The following SCAF11 variants were observed in gnomAD, a reference collection of about 807,000 sequenced individuals.
SCAF11 encodes the protein SR-related CTD associated factor 11.
SCAF11 carries 47 observed loss-of-function variants against 140.5 expected under a neutral mutation model. That is an observed-to-expected ratio of 0.33 (90% CI 0.26 to 0.43). The LOEUF is 0.43. Ranked by LOEUF, SCAF11 falls within the 20% of genes least tolerant of loss-of-function variation. The pLI is 1.00. For missense variants in SCAF11, 1,645 were observed against 1,705.1 expected, an observed-to-expected ratio of 0.96 and a Z score of 0.62; for synonymous variants, 557 against 579.4, an observed-to-expected ratio of 0.96 and a Z score of 0.55.
chr12:45,981,325 C>G (rs895906875), intron 1 of SCAF11, among the ~76,000 whole-genome samples: 1 of 152,178 alleles, frequency 6.6e-6, no homozygotes, highest in South Asian at 2.1e-4. Context: ...GAACTCATCC[C>G]TAAAACAAAC....
chr12:45,969,742 G>C (rs139559188), intron 1 of SCAF11, among the ~76,000 whole-genome samples: 1 of 152,316 alleles, frequency 6.6e-6, no homozygotes, highest in East Asian at 1.9e-4. Flanking sequence ...GTGAGTGTGT[G>C]TGTTTGTTTT....
chr12:45,958,143 G>T (rs1226871064), intron 3 of SCAF11, among the ~76,000 whole-genome samples: 1 of 151,786 alleles, frequency 6.6e-6, no homozygotes, highest in African/African-American at 2.4e-5. Flanking sequence ...GGGCTCGAGT[G>T]ATCCACCCTC....
chr12:45,926,163 CTT>C lies in SCAF11; in HGVS notation c.3536_3537del (p.Gln1179ArgfsTer10). On this transcript the variant is annotated frameshift_variant, in exon 11 of 15. Transcript: ENST00000369367. LOFTEE classifies it high-confidence loss of function. Reference protein sequence around the residue: ...SSGPQSGWMKQEEETSGQDSS... With the variant: ...SSGPQSGWMKXEEETSGQDSS... Reference sequence around the variant, plus strand: ...TTACCCTGTCCAGATGTTTCCTCCTCTTGTTTCATCCATCCAGACTGTGGACC... The same window carrying C: ...TTACCCTGTCCAGATGTTTCCTCCTCGTTTCATCCATCCAGACTGTGGACC... 6.2e-7 allele frequency: 1 copy of C among 1,609,914 alleles called. No individual in the cohort carries two copies. Among genetic ancestry groups the C allele is most frequent in the Non-Finnish European group, 8.5e-7 (1 of 1,176,286 alleles).
chr12:45,925,148 G>A (rs1592163067), intron 11 of SCAF11, 74 bp from the exon 12 acceptor site: 1 of 1,178,478 alleles, frequency 8.5e-7, no homozygotes, highest in South Asian at 1.6e-5. Context: ...AAGAACCACT[G>A]GTTACAGTAA....
intron 1 of SCAF11, among the ~76,000 whole-genome samples, chr12:45,966,588 T>C (rs2136626071): frequency 6.6e-6 from 1 of 152,174 alleles, no homozygotes; most frequent in South Asian, 2.1e-4. Context: ...GAGGGAAAGC[T>C]TCTGTGATAA....
rs1398417093 is a variant in SCAF11, at chr12:45,921,146, C to G, written c.*902G>C. 1 of 152,212 alleles carries G rather than the reference C, an allele frequency of 6.6e-6. No homozygotes were observed. The highest frequency in any genetic ancestry group is 2.4e-5 in the African/African-American group (1 of 41,418). 9.4% of individuals were successfully genotyped at this position (152,212 alleles called of 1,614,324 possible). On this transcript the variant is annotated 3_prime_UTR_variant, in exon 15 of 15. Transcript: ENST00000369367. ...TACAGGCGCCCACCACCACGCCTGGCTAATTTTTGTATTTTTAGTAGAGAC... is the reference window on the plus strand; with the variant it reads ...TACAGGCGCCCACCACCACGCCTGGGTAATTTTTGTATTTTTAGTAGAGAC...
Position 45,926,483 on chromosome 12 carries a change from C to T in SCAF11, c.3218G>A (p.Arg1073Lys). 6.2e-7 allele frequency: 1 copy of T among 1,614,224 alleles called. No individual in the cohort carries two copies. Among genetic ancestry groups the T allele is most frequent in the Non-Finnish European group, 8.5e-7 (1 of 1,180,038 alleles). ...FGSGWVSNRGRGRGNRGRGTY... is the reference protein window; with the variant it reads ...FGSGWVSNRGKGRGNRGRGTY... Reference sequence around the variant, plus strand: ...GCCTCTGCCACGGTTGCCTCTGCCTCTACCACGGTTAGATACCCAACCAGA... The same window carrying T: ...GCCTCTGCCACGGTTGCCTCTGCCTTTACCACGGTTAGATACCCAACCAGA... Residue 1073 changes from arginine (R) to lysine (K), a missense_variant, in exon 11 of 15, where the codon AGA becomes AAA. Coordinates refer to ENST00000369367, the MANE Select transcript of SCAF11 (RefSeq NM_004719.3).
intron 3 of SCAF11, chr12:45,955,870 A>G: frequency 2.7e-6 from 1 of 368,360 alleles, no homozygotes; most frequent in Non-Finnish European, 4.9e-6. Flanking sequence ...ATACAGCTAC[A>G]AAATTAATGG....
chr12:45,935,908 C>T (rs931433024), intron 6 of SCAF11, among the ~76,000 whole-genome samples: 7 of 151,970 alleles, frequency 4.6e-5, no homozygotes, highest in Non-Finnish European at 1.0e-4. Context: ...CAAATCCACC[C>T]TACTTGTCTG....
intron 1 of SCAF11, among the ~76,000 whole-genome samples, chr12:45,985,795 A>T (rs1019595033): frequency 6.6e-6 from 1 of 152,228 alleles, no homozygotes; most frequent in Admixed American, 6.5e-5. Context: ...TTAGAGAAGC[A>T]TCAATCTGAA....
chr12:45,964,964 G>T (rs538185956), intron 1 of SCAF11, among the ~76,000 whole-genome samples: 167 of 152,062 alleles, frequency 1.1e-3, no homozygotes, highest in Middle Eastern at 3.4e-3. Context: ...GGAGACAGTT[G>T]TGTGTGTGTA....
chr12:45,980,984 GT>G lies in SCAF11; in HGVS notation c.-22+9368del, dbSNP rs376431629. Among the ~76,000 whole-genome samples the G allele has an allele frequency of 4.1e-4, 62 of 152,274 alleles. 1 individual carries two copies. The highest frequency in any genetic ancestry group is 1.3e-3 in the African/African-American group (53 of 41,572). On this transcript the variant is annotated intron_variant, in intron 1 of 14. Transcript: ENST00000369367. Reference sequence around the variant, plus strand: ...TATATCACATCATTTAGAATAGTTTGTTTTAGGGAAACAGGGCAGGTGATTT... The same window carrying G: ...TATATCACATCATTTAGAATAGTTTGTTTAGGGAAACAGGGCAGGTGATTT...
intron 6 of SCAF11, among the ~76,000 whole-genome samples, chr12:45,941,000 C>T (rs1302462913): frequency 1.3e-5 from 2 of 151,988 alleles, no homozygotes; most frequent in South Asian, 2.1e-4. Context: ...AGGTGGGTTT[C>T]GCCACGTTGC....
chr12:45,990,121 C>T (rs1565699842), intron 1 of SCAF11, among the ~76,000 whole-genome samples: 1 of 152,050 alleles, frequency 6.6e-6, no homozygotes, highest in African/African-American at 2.4e-5. Flanking sequence ...GCCTCCCTCG[C>T]GGGGCAGCGA....
At chr12:45,956,193 CTT>C in intron 3 of SCAF11, 1 of 716,002 alleles carries the variant, frequency 1.4e-6, no homozygotes, top group Non-Finnish European at 2.6e-6. Context: ...GATAGCTCCT[CTT>C]AGAGAGAGAG....
At chr12:45,980,708 C>CA (rs1215205641) in intron 1 of SCAF11, among the ~76,000 whole-genome samples, 1 of 152,050 alleles carries the variant, frequency 6.6e-6, no homozygotes, top group East Asian at 1.9e-4. Flanking sequence ...TATCTGAGTC[C>CA]AGTGGTAATA....
intron 1 of SCAF11, among the ~76,000 whole-genome samples, chr12:45,980,319 T>TA (rs1270140021): frequency 1.3e-5 from 2 of 152,196 alleles, no homozygotes; most frequent in African/African-American, 4.8e-5. Flanking sequence ...ACTATATTAC[T>TA]AGGATCCAAC....
chr12:45,950,734 T>C (rs897302726), intron 4 of SCAF11, among the ~76,000 whole-genome samples: 1 of 152,202 alleles, frequency 6.6e-6, no homozygotes, highest in Non-Finnish European at 1.5e-5. Flanking sequence ...AAGATTCATC[T>C]GGTAAAAATA....
intron 1 of SCAF11, chr12:45,974,372 T>C: frequency 2.8e-6 from 1 of 363,078 alleles, no homozygotes; most frequent in Non-Finnish European, 5.5e-6. Context: ...TATGCCACAC[T>C]GACACTCCTT....
Sources: allele counts gnomAD v4.1 joint callset (sites outside exome capture counted in the v4.1 genomes callset), GRCh38; gene constraint gnomAD v4.1.1; transcripts MANE v1.5; gene names NCBI Gene and HGNC (gene_info 2026-07-23, HGNC 2026-07-21).